Variants in METAP2 observed in about 807,000 individuals in gnomAD.
The protein encoded by METAP2 is methionyl aminopeptidase 2, also known as methionine aminopeptidase 2.
Under a neutral mutation model 59.4 loss-of-function variants are expected in METAP2, and 25 were observed. The ratio of observed to expected loss-of-function variants is 0.42; its 90% CI spans 0.31 to 0.59. METAP2 has a LOEUF of 0.59. Ranked by LOEUF, METAP2 falls within the 20% of genes least tolerant of loss-of-function variation. The pLI, the probability that METAP2 is intolerant of heterozygous loss-of-function variation, is 0.16. For synonymous variants in METAP2, 214 were observed against 194.1 expected (o/e 1.10, Z -0.85); for missense variants, 366 against 581.2 (o/e 0.63, Z 3.81).
chr12:95,481,373 T>A (rs2076157023), intron 2 of METAP2, among the ~76,000 whole-genome samples: 1 of 152,178 alleles, frequency 6.6e-6, no homozygotes, highest in Non-Finnish European at 1.5e-5. Context: ...ATCCTGCCAC[T>A]GCACTCCAGC....
At chr12:95,476,421 A>C (rs538701070) in intron 2 of METAP2, among the ~76,000 whole-genome samples, 136 of 152,214 alleles carry the variant, frequency 8.9e-4, no homozygotes, top group African/African-American at 3.1e-3. Context: ...CTGAGGCAGG[A>C]GAATTGCTTG....
chr12:95,509,313 A>G (rs1472032813), intron 8 of METAP2, among the ~76,000 whole-genome samples: 1 of 152,226 alleles, frequency 6.6e-6, no homozygotes, highest in Non-Finnish European at 1.5e-5. Flanking sequence ...GGCTCTCTAA[A>G]AGAAAATGAT....
chr12:95,511,796 T>C (rs2076404892), intron 8 of METAP2, 99 bp from the exon 9 acceptor site: 1 of 739,584 alleles, frequency 1.4e-6, no homozygotes, highest in Non-Finnish European at 2.2e-6. Flanking sequence ...CCATACCTGG[T>C]TTTTGAATAA....
At chr12:95,486,003 CCAGTTTAATTTCTGA>C (rs2076193844) in intron 4 of METAP2, 22 bp downstream of exon 4, 1 of 1,467,768 alleles carries the variant, frequency 6.8e-7, no homozygotes, top group Non-Finnish European at 9.4e-7. Flanking sequence ...CAAATCACTT[CCAGTTTAATTTCTGA>C]CAGTTATAGC....
In METAP2 at chr12:95,495,676, G is replaced by T. The variant is rs78339268; in HGVS notation, c.773-328G>T. Among the ~76,000 whole-genome samples the T allele has an allele frequency of 5.4e-3, 819 of 152,136 alleles. 7 individuals carry two copies. Among genetic ancestry groups the T allele is most frequent in the African/African-American group, 0.018 (767 of 41,514 alleles). Reference sequence around the variant, plus strand: ...GCCCTGTATACTTTCTCTGCCCTGCGTTACTATTTCTCATTTCCCTAGTCT... The same window carrying T: ...GCCCTGTATACTTTCTCTGCCCTGCTTTACTATTTCTCATTTCCCTAGTCT... On this transcript the variant is annotated intron_variant, in intron 6 of 10. Coordinates refer to ENST00000323666, the MANE Select transcript of METAP2 (RefSeq NM_006838.4).
chr12:95,496,403 T>A lies in METAP2; in HGVS notation c.867+305T>A, dbSNP rs905027915. ...TTTTTGTGGTTCTTTTTTAGAACAA[T>A]TTTAGGTTCATAATAAAATTGAGCA... is the stretch of plus-strand genomic sequence containing the variant. On this transcript the variant is annotated intron_variant, in intron 7 of 10. Transcript: ENST00000323666. Among the ~76,000 whole-genome samples, 151 of 152,214 alleles carry A rather than the reference T, an allele frequency of 9.9e-4. 1 individual carries two copies. The highest frequency in any genetic ancestry group is 3.6e-3 in the African/African-American group (148 of 41,542).
chr12:95,506,383 G>A (rs1022695162), intron 8 of METAP2, among the ~76,000 whole-genome samples: 8 of 141,616 alleles, frequency 5.6e-5, no homozygotes, highest in East Asian at 2.2e-4. Context: ...GGCAACCTCC[G>A]CTTCCCGGGT....
At chr12:95,477,884 C>T (rs768201906) in intron 2 of METAP2, among the ~76,000 whole-genome samples, 1 of 152,218 alleles carries the variant, frequency 6.6e-6, no homozygotes, top group African/African-American at 2.4e-5. Context: ...CTCTGTTCTA[C>T]ATTGGCTTAT....
At chr12:95,478,610 C>A (rs150315483) in intron 2 of METAP2, among the ~76,000 whole-genome samples, 1 of 151,674 alleles carries the variant, frequency 6.6e-6, no homozygotes, top group African/African-American at 2.4e-5. Context: ...TTAGCCTGGG[C>A]AACAAAAGTG....
At chr12:95,481,682 C>G (rs1211464889) in intron 2 of METAP2, among the ~76,000 whole-genome samples, 3 of 152,026 alleles carry the variant, frequency 2.0e-5, no homozygotes, top group Non-Finnish European at 4.4e-5. Context: ...CCTTTTTGTT[C>G]CATTTTAAAG....
chr12:95,474,227 C>T lies in METAP2; in HGVS notation c.48C>T (p.Gly16=), dbSNP rs746989416. 1.9e-6 allele frequency: 3 copies of T among 1,614,168 alleles called. No individual in the cohort carries two copies. Among genetic ancestry groups the T allele is most frequent in the Non-Finnish European group, 2.5e-6 (3 of 1,180,010 alleles). ...CGGCCTCCGGGAGCCACCTGAATGGCGACCTGGATCCAGACGACAGGGAAG... is the reference window on the plus strand; with the variant it reads ...CGGCCTCCGGGAGCCACCTGAATGGTGACCTGGATCCAGACGACAGGGAAG... The part of the protein sequence containing the change: ...EVAASGSHLN[G]DLDPDDREEG... The change falls in exon 1 of 11, where the codon GGC becomes GGT. Residue 16 remains glycine, a synonymous_variant. Coordinates refer to ENST00000323666, the MANE Select transcript of METAP2 (RefSeq NM_006838.4).
At position 95,512,010 on chromosome 12, in the gene METAP2, A is replaced by G; in HGVS notation, c.1068+12A>G. On this transcript the variant is annotated intron_variant, in intron 9 of 10. Coordinates refer to ENST00000323666, the MANE Select transcript of METAP2 (RefSeq NM_006838.4). ...CAACAAGAATGGAGGTATGTGTGTC[A>G]CTAACATTTTACTTCCATGGAAGAC... The G allele has an allele frequency of 2.5e-6, 4 of 1,584,722 alleles. No homozygotes were observed. The highest frequency in any genetic ancestry group is 3.5e-6 in the Non-Finnish European group (4 of 1,154,364).
Position 95,515,272 on chromosome 12 carries a change from G to A in METAP2, c.*1368G>A, listed in dbSNP as rs1460793989. 6.6e-6 allele frequency: 1 copy of A among 152,588 alleles called. No individual in the cohort carries two copies. The highest frequency in any genetic ancestry group is 1.5e-5 in the Non-Finnish European group (1 of 68,034). The allele number at this position is 152,588 out of a possible 1,614,324, so 9.5% of individuals were successfully genotyped here. On this transcript the variant is annotated 3_prime_UTR_variant, in exon 11 of 11. Coordinates refer to ENST00000323666, the MANE Select transcript of METAP2 (RefSeq NM_006838.4). The stretch of plus-strand genomic sequence containing the variant: ...TTCAGCATTAGAGCTATAAATGAAT[G>A]TTACCTTGTCGGGAAACAATCTAGG...
At chr12:95,486,075 C>A in intron 4 of METAP2, 94 bp downstream of exon 4, 1 of 851,612 alleles carries the variant, frequency 1.2e-6, no homozygotes, top group Non-Finnish European at 1.8e-6. Flanking sequence ...TGCTCCACTA[C>A]TTTAATAAAT....
At chr12:95,495,428 C>T (rs2076269297) in intron 6 of METAP2, among the ~76,000 whole-genome samples, 1 of 151,850 alleles carries the variant, frequency 6.6e-6, no homozygotes, top group Admixed American at 6.6e-5. Flanking sequence ...CATTATCCTA[C>T]CTTTCTTTAG....
At chr12:95,503,949 G>A in intron 7 of METAP2, 116 bp from the exon 8 acceptor site, 1 of 696,812 alleles carries the variant, frequency 1.4e-6, no homozygotes, top group Admixed American at 2.7e-5. Context: ...TAAACAGGAA[G>A]TTACAATGTA....
chr12:95,477,127 C>T (rs1363956996), intron 2 of METAP2, among the ~76,000 whole-genome samples: 2 of 151,612 alleles, frequency 1.3e-5, no homozygotes, highest in African/African-American at 2.4e-5. Context: ...TTTTTGAGAC[C>T]GAGTCTCGCT....
chr12:95,494,366 T>C, intron 5 of METAP2, 149 bp downstream of exon 5: 1 of 806,814 alleles, frequency 1.2e-6, no homozygotes. Flanking sequence ...TTAGTGTCAC[T>C]ATGAGAAAAC....
In METAP2 at chr12:95,494,150, G is replaced by A. The variant is rs1391316300; in HGVS notation, c.523G>A (p.Ala175Thr). 4 of 1,613,934 alleles carry A rather than the reference G, an allele frequency of 2.5e-6. No individual in the cohort carries two copies. The highest frequency in any genetic ancestry group is 3.4e-6 in the Non-Finnish European group (4 of 1,179,978). ...IWNDFREAAE[A>T]HRQVRKYVMS... Reference sequence around the variant, plus strand: ...GAATGATTTTCGAGAAGCTGCAGAAGCACATCGACAAGTTAGAAAATACGT... The same window carrying A: ...GAATGATTTTCGAGAAGCTGCAGAAACACATCGACAAGTTAGAAAATACGT... The change falls in exon 5 of 11, where the codon GCA becomes ACA. Residue 175 changes from alanine (A) to threonine (T), a missense_variant. By Grantham distance (58) the Ala-to-Thr change is moderately conservative. Transcript: ENST00000323666.
Sources: gnomAD v4.1 joint callset for allele counts (sites outside exome capture counted in the v4.1 genomes callset) on GRCh38, gnomAD v4.1.1 for gene constraint, MANE v1.5 for transcripts, NCBI Gene and HGNC (gene_info 2026-07-23, HGNC 2026-07-21) for gene names.